FER1L6: variants seen among roughly 807,000 people sequenced by gnomAD.
FER1L6 encodes fer-1-like protein 6.
A neutral mutation model predicts 219.2 loss-of-function variants in FER1L6; 177 were observed. That is an observed-to-expected ratio of 0.81 (90% CI 0.71 to 0.91). FER1L6 has a LOEUF of 0.91. Among genes scored for constraint, FER1L6 ranks in the 40% least tolerant of loss-of-function variants. FER1L6 has a pLI of 0.00. For missense variants in FER1L6, 2,153 were observed against 2,259.9 expected, an observed-to-expected ratio of 0.95 and a Z score of 0.96; for synonymous variants, 768 against 824.3, an observed-to-expected ratio of 0.93 and a Z score of 1.17.
At chr8:123,869,426 G>A (rs544495474) in intron 1 of FER1L6, among the ~76,000 whole-genome samples, 3 of 152,198 alleles carry the variant, frequency 2.0e-5, no homozygotes, top group African/African-American at 4.8e-5. Flanking sequence ...TAGGAAATAC[G>A]TCTGAAGCTG....
At chr8:124,052,552 G>T (rs894090498) in intron 22 of FER1L6, among the ~76,000 whole-genome samples, 8 of 152,112 alleles carry the variant, frequency 5.3e-5, no homozygotes, top group Admixed American at 3.9e-4. Flanking sequence ...TTGGGAGGCC[G>T]AGGAGCACGG....
In FER1L6 at chr8:124,055,659, A is replaced by G. The variant is rs1323957685; in HGVS notation, c.2875-4521A>G. ...TGCTGCTTGAATGTTGTCCTTCTGG[A>G]AAGTCCACCTCCCTTTCTTAGAATG... is the stretch of plus-strand genomic sequence containing the variant. On this transcript the variant is annotated intron_variant, in intron 22 of 40. Transcript: ENST00000522917. Among the ~76,000 whole-genome samples the G allele has an allele frequency of 2.0e-5, 3 of 152,062 alleles. 1 individual carries two copies. The highest frequency in any genetic ancestry group is 2.0e-4 in the Admixed American group (3 of 15,270).
At chr8:123,996,861 C>A (rs1031704403) in intron 12 of FER1L6, among the ~76,000 whole-genome samples, 1 of 151,844 alleles carries the variant, frequency 6.6e-6, no homozygotes. Flanking sequence ...TTTATGATAA[C>A]GCTGATTGTA....
Position 124,066,568 on chromosome 8 carries a change from T to C in FER1L6, c.3678+18T>C, listed in dbSNP as rs1458179814. 1 of 1,609,874 alleles carries C rather than the reference T, an allele frequency of 6.2e-7. No individual in the cohort carries two copies. The highest frequency in any genetic ancestry group is 8.5e-7 in the Non-Finnish European group (1 of 1,178,494). ...CCCAGAAGGTAGAGTCTCCCCTACC[T>C]GTGGCAGTTAAGAGATTCAATAAGG... On this transcript the variant is annotated intron_variant, in intron 27 of 40. Transcript: ENST00000522917.
At chr8:124,067,855 A>G in intron 28 of FER1L6, 49 bp downstream of exon 28, 1 of 1,519,454 alleles carries the variant, frequency 6.6e-7, no homozygotes, top group South Asian at 1.1e-5. Context: ...GGCCATCGTT[A>G]CGAGAAAATT....
At chr8:123,855,180 C>CA (rs1816610255) in intron 1 of FER1L6, among the ~76,000 whole-genome samples, 1 of 152,166 alleles carries the variant, frequency 6.6e-6, no homozygotes, top group Non-Finnish European at 1.5e-5. Context: ...TTAGCTCAAA[C>CA]AGTTCAGGAT....
chr8:124,053,515 G>A (rs546373647), intron 22 of FER1L6, among the ~76,000 whole-genome samples: 1 of 152,290 alleles, frequency 6.6e-6, no homozygotes, highest in South Asian at 2.1e-4. Context: ...GACAGGGGCT[G>A]GAAAATGCCT....
intron 1 of FER1L6, among the ~76,000 whole-genome samples, chr8:123,888,507 T>C (rs1460212913): frequency 3.3e-5 from 5 of 152,230 alleles, no homozygotes; most frequent in South Asian, 2.1e-4. Context: ...GTTTCATGTA[T>C]TCAGGCATTT....
At chr8:124,005,245 G>C (rs1447760399) in intron 13 of FER1L6, among the ~76,000 whole-genome samples, 2 of 152,182 alleles carry the variant, frequency 1.3e-5, no homozygotes, top group African/African-American at 2.4e-5. Context: ...TTACTCTCCT[G>C]ATTCACATCA....
At chr8:124,017,233 T>C (rs1434324132) in intron 15 of FER1L6, among the ~76,000 whole-genome samples, 1 of 152,162 alleles carries the variant, frequency 6.6e-6, no homozygotes, top group African/African-American at 2.4e-5. Context: ...TTTTAAATGG[T>C]GGGGACACAT....
At chr8:123,978,933 T>C (rs564777639) in intron 10 of FER1L6, among the ~76,000 whole-genome samples, 14 of 152,340 alleles carry the variant, frequency 9.2e-5, no homozygotes, top group Non-Finnish European at 1.8e-4. Flanking sequence ...GATGTAAACA[T>C]GTTTTATTTA....
intron 10 of FER1L6, among the ~76,000 whole-genome samples, chr8:123,978,581 T>C (rs1401478444): frequency 6.6e-6 from 1 of 152,264 alleles, no homozygotes; most frequent in Non-Finnish European, 1.5e-5. Context: ...TACAAATTTA[T>C]ACTAATTGAC....
chr8:123,977,920 G>A (rs1006624391), intron 10 of FER1L6, among the ~76,000 whole-genome samples: 3 of 152,170 alleles, frequency 2.0e-5, no homozygotes, highest in African/African-American at 7.2e-5. Flanking sequence ...ACGGAGCTAG[G>A]TGGTAATACT....
At chr8:124,060,156 A>C (rs1449154745) in intron 22 of FER1L6, 24 bp from the exon 23 acceptor site, 1 of 1,579,082 alleles carries the variant, frequency 6.3e-7, no homozygotes. Context: ...CCAGCATCTA[A>C]CTCATACTTG....
intron 18 of FER1L6, among the ~76,000 whole-genome samples, chr8:124,034,412 T>C (rs1271036270): frequency 6.6e-6 from 1 of 152,130 alleles, no homozygotes; most frequent in Non-Finnish European, 1.5e-5. Context: ...ATTCTGAGAA[T>C]ACATGCACCC....
intron 34 of FER1L6, among the ~76,000 whole-genome samples, chr8:124,091,853 G>A (rs1232469389): frequency 6.6e-6 from 1 of 151,904 alleles, no homozygotes; most frequent in African/African-American, 2.4e-5. Flanking sequence ...TGTAATCCCA[G>A]CTACTGGGGA....
At chr8:123,890,520 A>C (rs2129694770) in intron 1 of FER1L6, among the ~76,000 whole-genome samples, 1 of 151,260 alleles carries the variant, frequency 6.6e-6, no homozygotes, top group Middle Eastern at 3.4e-3. Flanking sequence ...TTTGTTTCCT[A>C]TGCATTTCCA....
At chr8:123,869,374 G>T (rs1816888551) in intron 1 of FER1L6, among the ~76,000 whole-genome samples, 1 of 152,094 alleles carries the variant, frequency 6.6e-6, no homozygotes, top group East Asian at 1.9e-4. Flanking sequence ...CCAAATGCTG[G>T]CTGGGCTTCT....
At chr8:123,970,450 G>A (rs1350138722) in intron 6 of FER1L6, among the ~76,000 whole-genome samples, 1 of 151,572 alleles carries the variant, frequency 6.6e-6, no homozygotes, top group Non-Finnish European at 1.5e-5. Context: ...GGCAAATGTA[G>A]GTGTTTCTTT....
Sources: allele counts gnomAD v4.1 joint callset (sites outside exome capture counted in the v4.1 genomes callset), GRCh38; gene constraint gnomAD v4.1.1; transcripts MANE v1.5; gene names NCBI Gene and HGNC (gene_info 2026-07-23, HGNC 2026-07-21).